The following GATAD2A variants were observed in gnomAD, a reference collection of about 807,000 sequenced individuals.
The protein encoded by GATAD2A is transcriptional repressor p66-alpha.
In GATAD2A, 12 loss-of-function variants were observed where a neutral mutation model predicts 68.5. The observed-to-expected ratio is 0.18, with a 90% CI of 0.11 to 0.28. The LOEUF is 0.28. Ranked by LOEUF, GATAD2A falls within the 10% of genes least tolerant of loss-of-function variation. GATAD2A has a pLI of 1.00. For missense variants in GATAD2A, 755 were observed against 868.5 expected (o/e 0.87, Z 1.64); for synonymous variants, 410 against 375.3 (o/e 1.09, Z -1.07).
chr19:19,481,774 A>G (rs2059080207), intron 2 of GATAD2A, among the ~76,000 whole-genome samples: 1 of 152,220 alleles, frequency 6.6e-6, no homozygotes. Context: ...CTGGCTGTCC[A>G]GGATCCTTCA....
rs539153959 is a variant in GATAD2A, at chr19:19,493,598, C to T, written c.535-696C>T. Among the ~76,000 whole-genome samples, 84 of 152,312 alleles carry T rather than the reference C, an allele frequency of 5.5e-4. 1 individual carries two copies. Among genetic ancestry groups the T allele is most frequent in the African/African-American group, 1.8e-3 (73 of 41,572 alleles). On this transcript the variant is annotated intron_variant, in intron 4 of 11. Transcript: ENST00000683918. ...GTGCTCTGTTCTGGGAAACTCCGACCTTCCAAGTACTTTAGTCATTGCCTC... is the reference window on the plus strand; with the variant it reads ...GTGCTCTGTTCTGGGAAACTCCGACTTTCCAAGTACTTTAGTCATTGCCTC...
Position 19,501,020 on chromosome 19 carries a change from T to G in GATAD2A, c.1205-98T>G, listed in dbSNP as rs993790853. The G allele has an allele frequency of 2.0e-5, 21 of 1,067,260 alleles. No homozygotes were observed. In the African/African-American group the frequency reaches 3.2e-4, roughly 16 times the overall value. The allele number at this position is 1,067,260 out of a possible 1,614,324, so 66.1% of individuals were successfully genotyped here. A position where few individuals can be genotyped will look rare whatever the true frequency, so the allele number is the denominator to read the frequency against. On this transcript the variant is annotated intron_variant, in intron 8 of 11. Transcript: ENST00000683918. ...GTAGGCATTTGCAGAACGGACAGAC[T>G]GTGGCGACTGAGACTCCAGCATCCT...
At chr19:19,396,297 A>G (rs550435503) in intron 1 of GATAD2A, among the ~76,000 whole-genome samples, 54 of 152,182 alleles carry the variant, frequency 3.5e-4, no homozygotes, top group African/African-American at 1.3e-3. Flanking sequence ...CTGGGCAACA[A>G]AAGTGAAACT....
At chr19:19,456,497 A>G (rs1402059545) in intron 1 of GATAD2A, among the ~76,000 whole-genome samples, 3 of 152,178 alleles carry the variant, frequency 2.0e-5, no homozygotes, top group Admixed American at 1.3e-4. Flanking sequence ...CACATGTGTC[A>G]TTGCTTGGGC....
At chr19:19,456,539 G>A (rs1380516131) in intron 1 of GATAD2A, among the ~76,000 whole-genome samples, 4 of 152,198 alleles carry the variant, frequency 2.6e-5, no homozygotes, top group African/African-American at 9.7e-5. Context: ...AAGTTTTGGA[G>A]TACTGTGTCC....
chr19:19,385,898 C>T (rs1277604763), exon 1 of GATAD2A: 2 of 150,432 alleles, frequency 1.3e-5, no homozygotes, highest in Non-Finnish European at 3.0e-5. Context: ...CGCGGCGGCT[C>T]CTCCCGCCCA....
intron 1 of GATAD2A, among the ~76,000 whole-genome samples, chr19:19,389,143 A>C (rs1487926568): frequency 2.0e-5 from 3 of 152,096 alleles, no homozygotes; most frequent in Non-Finnish European, 4.4e-5. Flanking sequence ...TGCCAAATGC[A>C]GAGCTCTGTG....
In GATAD2A at chr19:19,436,247, G is replaced by A. The variant is rs776025415; in HGVS notation, c.-6-29093G>A. On this transcript the variant is annotated intron_variant, in intron 1 of 11. Transcript: ENST00000683918. ...GAGTGCTTGGGGTGTAGTGTCTGTG[G>A]AAGGAAGGTTCCACGCATCCAGCAG... 2.4e-6 allele frequency: 3 copies of A among 1,243,114 alleles called. No homozygotes were observed. The East Asian group carries it at 1.4e-4, about 58-fold the overall frequency. 77.0% of individuals were successfully genotyped at this position (1,243,114 alleles called of 1,614,324 possible).
chr19:19,414,681 C>T (rs1303365128), intron 1 of GATAD2A, among the ~76,000 whole-genome samples: 5 of 150,010 alleles, frequency 3.3e-5, no homozygotes, highest in African/African-American at 4.9e-5. Flanking sequence ...GGATTACAGG[C>T]GCACGCCACC....
chr19:19,495,511 G>A (rs986653693), intron 5 of GATAD2A, among the ~76,000 whole-genome samples: 13 of 151,770 alleles, frequency 8.6e-5, no homozygotes, highest in African/African-American at 1.7e-4. Context: ...GTTTCACCAC[G>A]TTGGCCAGGC....
Position 19,445,849 on chromosome 19 carries a change from G to C in GATAD2A, c.-6-19491G>C, listed in dbSNP as rs188162912. On this transcript the variant is annotated intron_variant, in intron 1 of 11. Transcript: ENST00000683918. ...ACATTTGGGTTGTTTTCTGCTTTTT[G>C]GCTATTGTGGATAATGTTGCTTTTA... Among the ~76,000 whole-genome samples, 317 of 152,156 alleles carry C rather than the reference G, an allele frequency of 2.1e-3. 1 individual carries two copies. The highest frequency in any genetic ancestry group is 7.4e-3 in the African/African-American group (308 of 41,504).
chr19:19,465,661 C>T, intron 2 of GATAD2A, 47 bp downstream of exon 2: 1 of 1,547,294 alleles, frequency 6.5e-7, no homozygotes, highest in Non-Finnish European at 8.7e-7. Flanking sequence ...GGAGACAAGC[C>T]CAGTGTGCCC....
At chr19:19,397,817 G>A (rs2049376621) in intron 1 of GATAD2A, among the ~76,000 whole-genome samples, 1 of 151,946 alleles carries the variant, frequency 6.6e-6, no homozygotes, top group Non-Finnish European at 1.5e-5. Context: ...TGAACTCTTA[G>A]GCCCAAGCCA....
intron 2 of GATAD2A, among the ~76,000 whole-genome samples, chr19:19,467,207 C>G (rs955754559): frequency 1.3e-5 from 2 of 152,168 alleles, no homozygotes; most frequent in African/African-American, 4.8e-5. Flanking sequence ...AACCCCATCT[C>G]TACTAAAAAT....
chr19:19,398,291 C>A (rs965130033), intron 1 of GATAD2A, among the ~76,000 whole-genome samples: 2 of 151,470 alleles, frequency 1.3e-5, no homozygotes, highest in African/African-American at 2.4e-5. Context: ...GCAACCTCCG[C>A]CTCCCGGGTT....
At position 19,492,375 on chromosome 19, in the gene GATAD2A, G is replaced by C; in HGVS notation, c.339G>C (p.Ser113=). 2 of 1,613,206 alleles carry C rather than the reference G, an allele frequency of 1.2e-6. No individual in the cohort carries two copies. Among genetic ancestry groups the C allele is most frequent in the Non-Finnish European group, 8.5e-7 (1 of 1,179,564 alleles). Residue 113 remains serine (S), a synonymous_variant, in exon 3 of 12, where the codon TCG becomes TCC. Transcript: ENST00000683918. ...TGCTCTCCGACAACGAGCAGCCCTC[G>C]AGCCCGAGAGTGAATGGGCTGACCA... ...VIVLSDNEQP[S]SPRVNGLTTV... is the part of the protein sequence containing the mutation.
intron 1 of GATAD2A, among the ~76,000 whole-genome samples, chr19:19,388,454 G>A (rs1400952441): frequency 1.3e-5 from 2 of 152,100 alleles, no homozygotes; most frequent in African/African-American, 4.8e-5. Flanking sequence ...TGCCACTCTA[G>A]GGGTATTCTC....
intron 1 of GATAD2A, chr19:19,440,175 T>C (rs966952646): frequency 1.2e-5 from 5 of 416,188 alleles, no homozygotes; most frequent in Non-Finnish European, 1.9e-5. Flanking sequence ...AAAAGAACAA[T>C]GTAAAGGAAG....
intron 1 of GATAD2A, among the ~76,000 whole-genome samples, chr19:19,451,191 G>A (rs1044226035): frequency 4.0e-5 from 6 of 151,740 alleles, no homozygotes; most frequent in African/African-American, 1.5e-4. Context: ...TGGCCAACAC[G>A]GTGAAACCCC....
Sources: allele counts gnomAD v4.1 joint callset (sites outside exome capture counted in the v4.1 genomes callset), GRCh38; gene constraint gnomAD v4.1.1; transcripts MANE v1.5; gene names NCBI Gene and HGNC (gene_info 2026-07-23, HGNC 2026-07-21).